ANKRD12: variants seen among roughly 807,000 people sequenced by gnomAD.
ANKRD12 encodes ankyrin repeat domain 12, also known as ankyrin repeat domain-containing protein 12.
In ANKRD12, 85 loss-of-function variants were observed where a neutral mutation model predicts 183.4. That is an observed-to-expected ratio of 0.46 (90% CI 0.39 to 0.56). The LOEUF (loss-of-function observed/expected upper bound fraction) is 0.56, where lower values mean the gene tolerates loss of function less well. ANKRD12 is among the 20% of genes least tolerant of loss of function. The pLI is 0.00. For synonymous variants in ANKRD12, 914 were observed against 800.2 expected, an observed-to-expected ratio of 1.14 and a Z score of -2.40; for missense variants, 2,405 against 2,357.1, an observed-to-expected ratio of 1.02 and a Z score of -0.42.
intron 3 of ANKRD12, among the ~76,000 whole-genome samples, chr18:9,201,257 C>G (rs944076504): frequency 7.9e-5 from 12 of 152,116 alleles, no homozygotes; most frequent in African/African-American, 2.9e-4. Context: ...AATAAAGTTT[C>G]CACCTAAGTG....
At chr18:9,186,985 T>C (rs1241179439) in intron 2 of ANKRD12, among the ~76,000 whole-genome samples, 1 of 152,006 alleles carries the variant, frequency 6.6e-6, no homozygotes, top group Admixed American at 6.6e-5. Flanking sequence ...ATGGTCTCAA[T>C]CTCCTGACCT....
chr18:9,244,161 C>T lies in ANKRD12; in HGVS notation c.944-10050C>T, dbSNP rs142572524. Among the ~76,000 whole-genome samples, 268 of 152,262 alleles carry T rather than the reference C, an allele frequency of 1.8e-3. 1 individual carries two copies. The highest frequency in any genetic ancestry group is 3.1e-3 in the Non-Finnish European group (213 of 68,002). On this transcript the variant is annotated intron_variant, in intron 8 of 12. Transcript: ENST00000262126. ...AAAAAATGAATGAATGAAAGTGTCT[C>T]TTAACTGAAGAAAGACTTACTTTTA...
chr18:9,181,392 C>A (rs193024090), intron 1 of ANKRD12, among the ~76,000 whole-genome samples: 59 of 152,284 alleles, frequency 3.9e-4, no homozygotes, highest in African/African-American at 1.2e-3. Context: ...TACATAGATA[C>A]TAGAATGACA....
chr18:9,177,066 T>G (rs1189596628), intron 1 of ANKRD12, among the ~76,000 whole-genome samples: 1 of 152,226 alleles, frequency 6.6e-6, no homozygotes, highest in Non-Finnish European at 1.5e-5. Flanking sequence ...ACTGCATCAT[T>G]TAGCCATTGG....
chr18:9,152,299 AAAAG>A (rs576510734), intron 1 of ANKRD12, among the ~76,000 whole-genome samples: 372 of 152,362 alleles, frequency 2.4e-3, no homozygotes, highest in Middle Eastern at 0.017. Flanking sequence ...AGGGAAAATA[AAAAG>A]ATACCTTTAG....
chr18:9,269,589 C>T (rs1156642199), intron 10 of ANKRD12, among the ~76,000 whole-genome samples: 1 of 152,304 alleles, frequency 6.6e-6, no homozygotes, highest in East Asian at 1.9e-4. Context: ...GAAACTGGAT[C>T]CCTTCCTTAC....
chr18:9,266,077 AAAG>A (rs1348691335), intron 10 of ANKRD12, among the ~76,000 whole-genome samples: 1 of 152,222 alleles, frequency 6.6e-6, no homozygotes, highest in East Asian at 1.9e-4. Context: ...AAAAGAATAA[AAAG>A]AAACGAACAA....
chr18:9,151,033 G>A (rs142567360), intron 1 of ANKRD12, among the ~76,000 whole-genome samples: 77 of 152,246 alleles, frequency 5.1e-4, no homozygotes, highest in Non-Finnish European at 1.1e-3. Context: ...AAATGTTATG[G>A]AATAACTGCC....
chr18:9,257,419 T>C lies in ANKRD12; in HGVS notation c.4152T>C (p.Ala1384=). The part of the protein sequence containing the change: ...TGASNSKYVS[A]DRNLIKNTAP... ...CTTCAAACAGCAAGTATGTTTCAGC[T>C]GATAGAAATCTCATCAAGAATACTG... The change falls in exon 9 of 13, where the codon GCT becomes GCC. Residue 1384 remains alanine, a synonymous_variant. Transcript: ENST00000262126. 2 of 1,614,152 alleles carry C rather than the reference T, an allele frequency of 1.2e-6. No homozygotes were observed. Among genetic ancestry groups the C allele is most frequent in the Non-Finnish European group, 1.7e-6 (2 of 1,180,002 alleles).
rs1426824404 is a variant in ANKRD12 at position 9,254,588 on chromosome 18, A to G, written c.1321A>G (p.Thr441Ala). The G allele has an allele frequency of 1.9e-6, 3 of 1,580,398 alleles. No individual in the cohort carries two copies. The highest frequency in any genetic ancestry group is 1.4e-5 in the African/African-American group (1 of 73,086). ...AGCTCTTCAGAATAAAAAGATTTCTACTTCATGTTCCGTCATCCCTGAAAC... is the reference window on the plus strand; with the variant it reads ...AGCTCTTCAGAATAAAAAGATTTCTGCTTCATGTTCCGTCATCCCTGAAAC... ...EEALQNKKIS[T>A]SCSVIPETSN... The change falls in exon 9 of 13, where the codon ACT becomes GCT. Residue 441 changes from threonine (T) to alanine (A), a missense_variant. Thr to Ala is a moderately conservative substitution (Grantham distance 58). Coordinates refer to ENST00000262126, the MANE Select transcript of ANKRD12 (RefSeq NM_015208.5).
intron 9 of ANKRD12, among the ~76,000 whole-genome samples, chr18:9,263,182 T>C (rs1051788897): frequency 3.9e-5 from 6 of 152,130 alleles, no homozygotes; most frequent in Non-Finnish European, 8.8e-5. Flanking sequence ...ACACCTCTCT[T>C]CTGGGTTTGT....
chr18:9,221,328 G>A (rs1013375136), intron 7 of ANKRD12, among the ~76,000 whole-genome samples: 1 of 152,122 alleles, frequency 6.6e-6, no homozygotes, highest in Non-Finnish European at 1.5e-5. Flanking sequence ...ACCCATGAAA[G>A]TGAAGGGTCT....
intron 1 of ANKRD12, among the ~76,000 whole-genome samples, chr18:9,171,929 A>G (rs140108588): frequency 0.03 from 4,480 of 151,842 alleles, 94 homozygotes; most frequent in Middle Eastern, 0.082. Context: ...CTGAGGCAGG[A>G]GAATCACTTG....
intron 8 of ANKRD12, among the ~76,000 whole-genome samples, chr18:9,223,701 A>G (rs1309871161): frequency 6.6e-6 from 1 of 152,224 alleles, no homozygotes; most frequent in Non-Finnish European, 1.5e-5. Flanking sequence ...GTCAAAATAT[A>G]TAAAGCAAAA....
At chr18:9,218,640 G>C (rs1172624329) in intron 7 of ANKRD12, among the ~76,000 whole-genome samples, 2 of 150,928 alleles carry the variant, frequency 1.3e-5, no homozygotes, top group Non-Finnish European at 3.0e-5. Context: ...TAAATGTATA[G>C]TAATTCCTAA....
intron 2 of ANKRD12, among the ~76,000 whole-genome samples, chr18:9,186,543 T>C (rs2034076363): frequency 6.6e-6 from 1 of 152,164 alleles, no homozygotes; most frequent in Non-Finnish European, 1.5e-5. Context: ...CAAAAGCTGT[T>C]GTTAGAAGTA....
Position 9,255,077 on chromosome 18 carries a change from GA to G in ANKRD12, c.1816del (p.Ser606AlafsTer9). 2 of 1,578,374 alleles carry G rather than the reference GA, an allele frequency of 1.3e-6. No individual in the cohort carries two copies. The highest frequency in any genetic ancestry group is 2.4e-5 in the South Asian group (2 of 84,458). ...SSSVKSCKHK[E>X]KSKHQKDFHL... ...AAGTGTAAAATCTTGTAAGCATAAG[GA>G]AAAAAGCAAACATCAGAAAGATTTC... On this transcript the variant is annotated frameshift_variant, in exon 9 of 13. Transcript: ENST00000262126. LOFTEE classifies it high-confidence loss of function.
chr18:9,143,350 C>T (rs1197129347), intron 1 of ANKRD12, among the ~76,000 whole-genome samples: 5 of 152,160 alleles, frequency 3.3e-5, no homozygotes, highest in East Asian at 1.9e-4. Context: ...GTCCAATTCA[C>T]TAATATATTT....
chr18:9,166,237 G>A lies in ANKRD12; in HGVS notation c.-51-16145G>A, dbSNP rs974619665. On this transcript the variant is annotated intron_variant, in intron 1 of 12. Coordinates refer to ENST00000262126, the MANE Select transcript of ANKRD12 (RefSeq NM_015208.5). Reference sequence around the variant, plus strand: ...TTGTAATCCTTTGGGTATATACCCAGTAATGGGATGGCTGGGTCAAATGGT... The same window carrying A: ...TTGTAATCCTTTGGGTATATACCCAATAATGGGATGGCTGGGTCAAATGGT... 4.7e-4 allele frequency among the ~76,000 whole-genome samples: 72 copies of A among 152,306 alleles called. 1 individual carries two copies. Among genetic ancestry groups the A allele is most frequent in the Non-Finnish European group, 3.4e-4 (23 of 68,038 alleles).
Sources: gnomAD v4.1 joint callset for allele counts (sites outside exome capture counted in the v4.1 genomes callset) on GRCh38, gnomAD v4.1.1 for gene constraint, MANE v1.5 for transcripts, NCBI Gene and HGNC (gene_info 2026-07-23, HGNC 2026-07-21) for gene names.